The following MECR variants were observed in gnomAD, a reference collection of about 807,000 sequenced individuals.
MECR encodes enoyl-[acyl-carrier-protein] reductase, mitochondrial.
Under a neutral mutation model 49.1 loss-of-function variants are expected in MECR, and 37 were observed. The ratio of observed to expected loss-of-function variants is 0.75; its 90% CI spans 0.58 to 0.99. The LOEUF is 0.99. Among genes scored for constraint, MECR ranks in the 50% least tolerant of loss-of-function variants. The pLI, the probability that MECR is intolerant of heterozygous loss-of-function variation, is 0.00. For synonymous variants in MECR, 198 were observed against 191.1 expected (o/e 1.04, Z -0.30); for missense variants, 470 against 479.6 (o/e 0.98, Z 0.19).
intron 5 of MECR, among the ~76,000 whole-genome samples, chr1:29,202,790 A>C (rs1340551691): frequency 6.6e-6 from 1 of 152,210 alleles, no homozygotes; most frequent in Non-Finnish European, 1.5e-5. Context: ...AGAAAGAATA[A>C]TACAGCTCAA....
chr1:29,198,294 C>G (rs1018707813), intron 7 of MECR, among the ~76,000 whole-genome samples: 1 of 152,204 alleles, frequency 6.6e-6, no homozygotes, highest in Non-Finnish European at 1.5e-5. Flanking sequence ...GTTAGACCAC[C>G]CTTCAGAGGC....
At chr1:29,204,710 G>A (rs755142831) in intron 4 of MECR, among the ~76,000 whole-genome samples, 3 of 152,146 alleles carry the variant, frequency 2.0e-5, no homozygotes, top group Non-Finnish European at 2.9e-5. Context: ...GGTGGGCAGC[G>A]TCGAAATGCC....
chr1:29,220,845 A>G, intron 1 of MECR: 1 of 924,020 alleles, frequency 1.1e-6, no homozygotes, highest in South Asian at 5.0e-5. Flanking sequence ...TACACAGTAG[A>G]TGCTGAAGAA....
chr1:29,187,474 G>C, the MECR span, among the ~76,000 whole-genome samples: 1 of 151,678 alleles, frequency 6.6e-6, no homozygotes, highest in African/African-American at 2.4e-5. Context: ...GCCTCCCCAA[G>C]TGCTGGGTTA....
the MECR span, chr1:29,170,286 T>C: frequency 6.6e-6 from 1 of 152,180 alleles, no homozygotes; most frequent in Non-Finnish European, 1.5e-5. Context: ...CATTACCAAT[T>C]TAGAATAAAA....
rs1673202737 is a variant in MECR at position 29,192,800 on chromosome 1, C to A, written c.*1222G>T. 6.6e-6 allele frequency: 1 copy of A among 152,194 alleles called. No homozygotes were observed. The highest frequency in any genetic ancestry group is 6.5e-5 in the Admixed American group (1 of 15,280). 9.4% of individuals were successfully genotyped at this position (152,194 alleles called of 1,614,324 possible). ...CACCTCAAGGAAGCATACCCCTGTC[C>A]CTGGGGCCTAGGGCAAGATCTTTAT... On this transcript the variant is annotated 3_prime_UTR_variant, in exon 10 of 10. Coordinates refer to ENST00000263702, the MANE Select transcript of MECR (RefSeq NM_016011.5).
At chr1:29,179,508 T>TTGAC in the MECR span, among the ~76,000 whole-genome samples, 12 of 151,946 alleles carry the variant, frequency 7.9e-5, no homozygotes, top group African/African-American at 2.9e-4. Flanking sequence ...TATAGGCGAG[T>TTGAC]GTCACCACGC....
the MECR span, among the ~76,000 whole-genome samples, chr1:29,181,229 G>A: frequency 6.6e-6 from 1 of 152,238 alleles, no homozygotes; most frequent in Non-Finnish European, 1.5e-5. Context: ...GGCAAGAGGT[G>A]AAAGGGAGCA....
chr1:29,172,653 A>G, the MECR span: 3 of 152,198 alleles, frequency 2.0e-5, no homozygotes, highest in African/African-American at 7.2e-5. Flanking sequence ...ATGCTCATAC[A>G]CTGCGGGTGT....
At chr1:29,215,053 G>A (rs1679033238) in intron 3 of MECR, among the ~76,000 whole-genome samples, 1 of 152,148 alleles carries the variant, frequency 6.6e-6, no homozygotes, top group South Asian at 2.1e-4. Context: ...TCACTCTGTT[G>A]CCCAGGCTGG....
chr1:29,230,781 C>G lies in MECR; in HGVS notation c.126G>C (p.Arg42=). 2 of 1,603,752 alleles carry G rather than the reference C, an allele frequency of 1.2e-6. No individual in the cohort carries two copies. Among genetic ancestry groups the G allele is most frequent in the Non-Finnish European group, 1.7e-6 (2 of 1,175,766 alleles). Residue 42 remains arginine, a synonymous_variant, in exon 1 of 10, where the codon CGG becomes CGC. Coordinates refer to ENST00000263702, the MANE Select transcript of MECR (RefSeq NM_016011.5). ...SSYSASAEPA[R]VRALVYGHHG... The stretch of plus-strand genomic sequence containing the variant: ...GGTGCCCATAGACAAGCGCCCGGAC[C>G]CGGGCAGGCTCGGCGGATGCGGAGT...
In MECR at chr1:29,192,865, T is replaced by C. The variant is rs780340994; in HGVS notation, c.*1157A>G. ...ACCCCACATATCTTCTTTACAGCAT[T>C]AGTCACTATGGTAATTACTGTGAGA... On this transcript the variant is annotated 3_prime_UTR_variant, in exon 10 of 10. Transcript: ENST00000263702. The C allele has an allele frequency of 2.0e-5, 3 of 152,178 alleles. No homozygotes were observed. The highest frequency in any genetic ancestry group is 4.4e-5 in the Non-Finnish European group (3 of 68,036). The allele number at this position is 152,178 out of a possible 1,614,324, so 9.4% of individuals were successfully genotyped here. A position where few individuals can be genotyped will look rare whatever the true frequency, so the allele number is the denominator to read the frequency against.
the MECR span, among the ~76,000 whole-genome samples, chr1:29,168,251 G>A: frequency 5.6e-5 from 8 of 144,008 alleles, no homozygotes; most frequent in African/African-American, 2.1e-4. Context: ...GGGTGGTCTC[G>A]AACTCCTGAG....
chr1:29,227,892 C>T (rs1318436961), intron 1 of MECR, among the ~76,000 whole-genome samples: 1 of 152,178 alleles, frequency 6.6e-6, no homozygotes, highest in Admixed American at 6.5e-5. Context: ...AGTAAAGTTG[C>T]CCTTCTGGAG....
the MECR span, among the ~76,000 whole-genome samples, chr1:29,187,146 G>A: frequency 6.6e-6 from 1 of 152,166 alleles, no homozygotes; most frequent in Admixed American, 6.5e-5. Flanking sequence ...ATAAGCATGG[G>A]GCTGGTGGGT....
chr1:29,222,521 G>A (rs1419027711), intron 1 of MECR, among the ~76,000 whole-genome samples: 1 of 152,188 alleles, frequency 6.6e-6, no homozygotes, highest in Non-Finnish European at 1.5e-5. Flanking sequence ...AACCCATGTG[G>A]CCTGTGTCAT....
At chr1:29,203,302 G>A (rs1273442800) in intron 4 of MECR, 69 bp from the exon 5 acceptor site, 12 of 1,285,376 alleles carry the variant, frequency 9.3e-6, no homozygotes, top group African/African-American at 3.0e-5. Flanking sequence ...GCTCCCAGCC[G>A]GGGATCCTTC....
downstream of MECR, among the ~76,000 whole-genome samples, chr1:29,192,609 T>C (rs1673188901): frequency 6.6e-6 from 1 of 152,146 alleles, no homozygotes; most frequent in African/African-American, 2.4e-5. Context: ...TGAATGAGGC[T>C]CCTGAGTGCA....
At chr1:29,218,308 G>C (rs1009965808) in intron 1 of MECR, among the ~76,000 whole-genome samples, 3 of 152,220 alleles carry the variant, frequency 2.0e-5, no homozygotes, top group African/African-American at 4.8e-5. Flanking sequence ...CATGGGGCCT[G>C]TGACTTTTTA....
Sources: allele counts gnomAD v4.1 joint callset (sites outside exome capture counted in the v4.1 genomes callset), GRCh38; gene constraint gnomAD v4.1.1; transcripts MANE v1.5; gene names NCBI Gene and HGNC (gene_info 2026-07-23, HGNC 2026-07-21).